WDR62: variants seen among roughly 807,000 people sequenced by gnomAD.
WDR62 encodes the protein WD repeat domain 62, also known as WD repeat-containing protein 62.
A neutral mutation model predicts 160.6 loss-of-function variants in WDR62; 112 were observed. The observed-to-expected ratio is 0.70, with a 90% CI of 0.60 to 0.82. The LOEUF is 0.82. Among genes scored for constraint, WDR62 ranks in the 40% least tolerant of loss-of-function variants. The probability of loss-of-function intolerance (pLI) is 0.00; values close to 1 mark genes in which losing one functional copy is unlikely to be tolerated. For missense variants in WDR62, 1,819 were observed against 1,983.8 expected (o/e 0.92, Z 1.58); for synonymous variants, 792 against 815.1 (o/e 0.97, Z 0.48).
At position 36,101,775 on chromosome 19, in the gene WDR62, G is replaced by C. The variant is rs1339337868; in HGVS notation, c.3082+1G>C. Reference sequence around the variant, plus strand: ...GCCACGTCGCTGCCCCATTTCCCAGGTAAGCAGGGGCCAGACACGCAGGGG... The same window carrying C: ...GCCACGTCGCTGCCCCATTTCCCAGCTAAGCAGGGGCCAGACACGCAGGGG... On this transcript the variant is annotated splice_donor_variant, in intron 25 of 31. Transcript: ENST00000401500. LOFTEE classifies it high-confidence loss of function. 6.4e-7 allele frequency: 1 copy of C among 1,551,436 alleles called. No homozygotes were observed. Among genetic ancestry groups the C allele is most frequent in the Non-Finnish European group, 8.7e-7 (1 of 1,146,924 alleles).
intron 19 of WDR62, among the ~76,000 whole-genome samples, chr19:36,093,603 G>C (rs1014051810): frequency 3.3e-5 from 5 of 152,132 alleles, no homozygotes; most frequent in Non-Finnish European, 7.3e-5. Context: ...GGTGGTGTTA[G>C]AGATATCTTG....
rs973185694 is a variant in WDR62, at chr19:36,099,475, A to C, written c.2597A>C (p.Glu866Ala). 9 of 1,613,886 alleles carry C rather than the reference A, an allele frequency of 5.6e-6. No homozygotes were observed. The highest frequency in any genetic ancestry group is 7.6e-6 in the Non-Finnish European group (9 of 1,180,034). ...RSYQPHGRWA[E>A]RAGQEPLKTI... ...TACCAGCCCCACGGCCGCTGGGCAG[A>C]GCGGGCCGGCCAAGAGCCCCTCAAG... The change falls in exon 22 of 32, where the codon GAG becomes GCG. Residue 866 changes from glutamate to alanine, a missense_variant. Glu to Ala is a moderately radical substitution (Grantham distance 107). Around this residue, in one of 3 missense-constraint regions of WDR62, gnomAD observed 934 missense variants for 1,157.2 expected, o/e 0.81. Transcript: ENST00000401500.
At chr19:36,065,050 GC>G (rs1369011073) in intron 3 of WDR62, among the ~76,000 whole-genome samples, 2 of 152,182 alleles carry the variant, frequency 1.3e-5, no homozygotes, top group African/African-American at 4.8e-5. Context: ...GTCCCACACA[GC>G]ATGTCAGTTT....
chr19:36,055,781 G>A (rs1412705510), intron 1 of WDR62, among the ~76,000 whole-genome samples: 2 of 152,194 alleles, frequency 1.3e-5, no homozygotes, highest in African/African-American at 2.4e-5. Flanking sequence ...TTCACAGTAG[G>A]TAGAAGGAAT....
intron 26 of WDR62, 112 bp from the exon 27 acceptor site, chr19:36,102,625 G>T: frequency 1.2e-6 from 1 of 867,412 alleles, no homozygotes; most frequent in Non-Finnish European, 1.9e-6. Flanking sequence ...CTCGTACCCT[G>T]TGTCTGTACA....
intron 19 of WDR62, among the ~76,000 whole-genome samples, chr19:36,093,189 C>T (rs980618842): frequency 1.3e-5 from 2 of 152,068 alleles, no homozygotes; most frequent in South Asian, 4.1e-4. Flanking sequence ...CCTCTCAGCA[C>T]TGTGATGGGG....
intron 25 of WDR62, 109 bp from the exon 26 acceptor site, chr19:36,101,905 T>G (rs1973369184): frequency 2.2e-5 from 35 of 1,567,646 alleles, no homozygotes; most frequent in Non-Finnish European, 2.9e-5. Context: ...CTTCTCAGCC[T>G]GCGGGCAACA....
intron 1 of WDR62, among the ~76,000 whole-genome samples, chr19:36,056,179 A>G (rs1189783484): frequency 2.0e-5 from 3 of 152,092 alleles, no homozygotes; most frequent in African/African-American, 7.2e-5. Context: ...ATAAATAAAT[A>G]AATAAATTAT....
intron 19 of WDR62, 52 bp from the exon 20 acceptor site, chr19:36,093,979 A>G (rs1320630739): frequency 6.2e-7 from 1 of 1,610,944 alleles, no homozygotes; most frequent in Non-Finnish European, 8.5e-7. Flanking sequence ...AGTCCCCACC[A>G]CCAGCCCATT....
intron 7 of WDR62, chr19:36,071,007 A>G: frequency 6.1e-6 from 1 of 163,218 alleles, no homozygotes; most frequent in South Asian, 1.6e-4. Context: ...CAGGAGTTCA[A>G]GACCAGCCTG....
In WDR62 at chr19:36,104,499, T is replaced by A; in HGVS notation, c.4154-19T>A. On this transcript the variant is annotated intron_variant, in intron 30 of 31. Transcript: ENST00000401500. ...ATGGAATGCAGCTCATCTTGCTCAT[T>A]CCCTTCTCTCTACCCCAGGTGCACT... 1 of 1,613,026 alleles carries A rather than the reference T, an allele frequency of 6.2e-7. No individual in the cohort carries two copies. Among genetic ancestry groups the A allele is most frequent in the South Asian group, 1.1e-5 (1 of 91,080 alleles).
At chr19:36,108,411 T>A (rs569429128), downstream of WDR62, among the ~76,000 whole-genome samples, 1 of 151,096 alleles carries the variant, frequency 6.6e-6, no homozygotes, top group East Asian at 2.0e-4. Flanking sequence ...AGCAGTACCA[T>A]CAGGACAGCT....
At position 36,062,649 on chromosome 19, in the gene WDR62, C is replaced by CAAAAAAAAAAAAA. The variant is rs1167386837; in HGVS notation, c.332+2633_332+2645dup. On this transcript the variant is annotated intron_variant, in intron 3 of 31. Transcript: ENST00000401500. ...TGGGTGACAGAGCAAGAGTCCGTCT[C>CAAAAAAAAAAAAA]AAAAAAAAAAAAAAAAAAAAAAAAA... is the stretch of plus-strand genomic sequence containing the variant. 75 of 39,456 alleles carry CAAAAAAAAAAAAA rather than the reference C, an allele frequency of 1.9e-3. 4 individuals are homozygous for CAAAAAAAAAAAAA. Among genetic ancestry groups the CAAAAAAAAAAAAA allele is most frequent in the African/African-American group, 8.5e-3 (72 of 8,498 alleles). The allele number at this position is 39,456 out of a possible 1,614,324, so 2.4% of individuals were successfully genotyped here. A position where few individuals can be genotyped will look rare whatever the true frequency, so the allele number is the denominator to read the frequency against.
chr19:36,067,550 A>G, intron 6 of WDR62, 107 bp downstream of exon 6: 1 of 1,538,872 alleles, frequency 6.5e-7, no homozygotes, highest in Non-Finnish European at 8.9e-7. Flanking sequence ...GTCTCGGGCC[A>G]TTTGGCCTCT....
Position 36,092,951 on chromosome 19 carries a change from C to T in WDR62, c.2333+140C>T, listed in dbSNP as rs770276856. ...CTCACAGCTGAGTAGGGGAGACAGA[C>T]TTTGAATATGCAGTTACAGTAATAG... On this transcript the variant is annotated intron_variant, in intron 19 of 31. Coordinates refer to ENST00000401500, the MANE Select transcript of WDR62 (RefSeq NM_001083961.2). The T allele has an allele frequency of 1.5e-4, 183 of 1,247,412 alleles. 1 individual carries two copies. Among genetic ancestry groups the T allele is most frequent in the Non-Finnish European group, 2.1e-4 (180 of 864,522 alleles). The allele number at this position is 1,247,412 out of a possible 1,614,324, so 77.3% of individuals were successfully genotyped here.
chr19:36,104,398 C>A (rs992756840), intron 30 of WDR62, 120 bp from the exon 31 acceptor site: 1 of 1,303,556 alleles, frequency 7.7e-7, no homozygotes, highest in Non-Finnish European at 1.1e-6. Flanking sequence ...GGGGAGGGAG[C>A]CTTGGGGACC....
chr19:36,073,424 T>G lies in WDR62; in HGVS notation c.1126T>G (p.Cys376Gly). 1.2e-6 allele frequency: 2 copies of G among 1,614,114 alleles called. No homozygotes were observed. Among genetic ancestry groups the G allele is most frequent in the East Asian group, 4.5e-5 (2 of 44,858 alleles). ...CGACCCCATCCACCAGTGGCTGTCC[T>G]GCGTGTATAAGGACCACAGCATCTA... Reference protein sequence around the residue: ...TFDPIHQWLSCVYKDHSIYIW... With the variant: ...TFDPIHQWLSGVYKDHSIYIW... The change falls in exon 9 of 32, where the codon TGC becomes GGC. Residue 376 changes from cysteine (C) to glycine (G), a missense_variant. Cys to Gly is a radical substitution (Grantham distance 159). Coordinates refer to ENST00000401500, the MANE Select transcript of WDR62 (RefSeq NM_001083961.2).
Position 36,054,934 on chromosome 19 carries a change from G to A in WDR62, c.-38G>A, listed in dbSNP as rs1970261893. On this transcript the variant is annotated 5_prime_UTR_variant, in exon 1 of 32. Coordinates refer to ENST00000401500, the MANE Select transcript of WDR62 (RefSeq NM_001083961.2). ...GGTCGTGGCGGTGGCGGCAGCGGCG[G>A]TTAGGGGATGTAACGGTCGCCCGCC... 6.4e-7 allele frequency: 1 copy of A among 1,555,912 alleles called. No individual in the cohort carries two copies. The highest frequency in any genetic ancestry group is 8.7e-7 in the Non-Finnish European group (1 of 1,152,308).
chr19:36,092,943 G>A (rs988890080), intron 19 of WDR62, 132 bp downstream of exon 19: 2 of 1,336,828 alleles, frequency 1.5e-6, no homozygotes, highest in Non-Finnish European at 2.1e-6. Context: ...CTGAGTAGGG[G>A]AGACAGACTT....
Sources: allele counts gnomAD v4.1 joint callset (sites outside exome capture counted in the v4.1 genomes callset), GRCh38; gene constraint gnomAD v4.1.1; regional missense constraint gnomAD v4.1.1; transcripts MANE v1.5; gene names NCBI Gene and HGNC (gene_info 2026-07-23, HGNC 2026-07-21).